Variants in BICC1 observed in about 807,000 individuals in gnomAD.
BICC1 encodes protein bicaudal C homolog 1.
BICC1 carries 43 observed loss-of-function variants against 111.0 expected under a neutral mutation model. The ratio of observed to expected loss-of-function variants is 0.39; its 90% CI spans 0.30 to 0.50. The LOEUF (loss-of-function observed/expected upper bound fraction) is 0.50, where lower values mean the gene tolerates loss of function less well. BICC1 is among the 20% of genes least tolerant of loss of function. The probability of loss-of-function intolerance (pLI) is 0.88; values close to 1 mark genes in which losing one functional copy is unlikely to be tolerated. For missense variants in BICC1, 1,091 were observed against 1,203.2 expected, an observed-to-expected ratio of 0.91 and a Z score of 1.38; for synonymous variants, 467 against 434.4, an observed-to-expected ratio of 1.07 and a Z score of -0.93.
At chr10:58,646,511 G>C (rs1025705972) in intron 2 of BICC1, among the ~76,000 whole-genome samples, 1 of 152,060 alleles carries the variant, frequency 6.6e-6, no homozygotes, top group Non-Finnish European at 1.5e-5. Flanking sequence ...ATTGTATTTG[G>C]ATATTCATTA....
intron 3 of BICC1, among the ~76,000 whole-genome samples, chr10:58,725,738 T>C (rs1841085056): frequency 6.6e-6 from 1 of 152,176 alleles, no homozygotes; most frequent in African/African-American, 2.4e-5. Context: ...CCTCAGGCCA[T>C]GTTAAACAAC....
chr10:58,782,392 C>G (rs951331389), intron 3 of BICC1, among the ~76,000 whole-genome samples: 1 of 152,012 alleles, frequency 6.6e-6, no homozygotes, highest in African/African-American at 2.4e-5. Flanking sequence ...TATATAGGAC[C>G]AATACATAAA....
chr10:58,517,275 A>T (rs1238302385), intron 1 of BICC1, among the ~76,000 whole-genome samples: 3 of 152,144 alleles, frequency 2.0e-5, no homozygotes, highest in African/African-American at 7.2e-5. Context: ...AGACTTTAAG[A>T]ACCATGTTGC....
chr10:58,789,307 A>G lies in BICC1; in HGVS notation c.646A>G (p.Ile216Val). Reference sequence around the variant, plus strand: ...GATGTTTGAGCTACCAATTGCTGGAATTCTTCAACCGGTTCCTGATCCTAA... The same window carrying G: ...GATGTTTGAGCTACCAATTGCTGGAGTTCTTCAACCGGTTCCTGATCCTAA... ...VLMFELPIAG[I>V]LQPVPDPNSP... The change falls in exon 7 of 21, where the codon ATT becomes GTT. Residue 216 changes from isoleucine to valine, a missense_variant. By Grantham distance (29) the Ile-to-Val change is conservative. Coordinates refer to ENST00000373886, the MANE Select transcript of BICC1 (RefSeq NM_001080512.3). The G allele has an allele frequency of 1.2e-6, 2 of 1,613,996 alleles. No homozygotes were observed. Among genetic ancestry groups the G allele is most frequent in the African/African-American group, 1.3e-5 (1 of 75,036 alleles).
chr10:58,787,547 C>G (rs1382611357), intron 5 of BICC1, among the ~76,000 whole-genome samples: 1 of 152,164 alleles, frequency 6.6e-6, no homozygotes, highest in African/African-American at 2.4e-5. Context: ...TGTGCTTGTT[C>G]TTCTGTTTGG....
At chr10:58,728,270 A>C (rs567271369) in intron 3 of BICC1, among the ~76,000 whole-genome samples, 1 of 152,214 alleles carries the variant, frequency 6.6e-6, no homozygotes, top group African/African-American at 2.4e-5. Flanking sequence ...CTGCTTTATC[A>C]ACTAAGTTTA....
chr10:58,672,153 A>G (rs1032369260), intron 2 of BICC1, among the ~76,000 whole-genome samples: 150 of 152,268 alleles, frequency 9.9e-4, no homozygotes, highest in African/African-American at 3.4e-3. Flanking sequence ...GAGTATATTC[A>G]CATTGTTGTG....
At chr10:58,551,527 G>C (rs545374188) in intron 1 of BICC1, among the ~76,000 whole-genome samples, 7 of 152,020 alleles carry the variant, frequency 4.6e-5, no homozygotes, top group Non-Finnish European at 1.0e-4. Flanking sequence ...CTTCTCAGTA[G>C]TTTTCAAGTA....
At chr10:58,788,468 T>C in intron 6 of BICC1, 45 bp downstream of exon 6, 1 of 1,329,438 alleles carries the variant, frequency 7.5e-7, no homozygotes, top group Non-Finnish European at 1.1e-6. Flanking sequence ...GTCAGCAACA[T>C]TTGCATTATA....
At chr10:58,544,289 T>C (rs1019587072) in intron 1 of BICC1, among the ~76,000 whole-genome samples, 2 of 152,216 alleles carry the variant, frequency 1.3e-5, no homozygotes, top group African/African-American at 4.8e-5. Context: ...CAAAATGGAT[T>C]TGTGTGACTT....
At chr10:58,521,768 GTTTTT>G (rs573116230) in intron 1 of BICC1, among the ~76,000 whole-genome samples, 71 of 112,638 alleles carry the variant, frequency 6.3e-4, no homozygotes, top group African/African-American at 2.0e-3. Context: ...GGAATGTGGT[GTTTTT>G]TTTTTTTTTT....
chr10:58,669,997 G>T (rs1209744296), intron 2 of BICC1, among the ~76,000 whole-genome samples: 1 of 152,090 alleles, frequency 6.6e-6, no homozygotes, highest in Non-Finnish European at 1.5e-5. Context: ...TTATGTTATT[G>T]TAAAGTTTTA....
rs143601302 is a variant in BICC1 at position 58,824,086 on chromosome 10, G to A, written c.2794+3618G>A. On this transcript the variant is annotated intron_variant, in intron 20 of 20. Coordinates refer to ENST00000373886, the MANE Select transcript of BICC1 (RefSeq NM_001080512.3). ...ATGTTAAAATAGCAAATAAAGCTCTGTTATCTGGCATACTTGGAACTATCG... is the reference window on the plus strand; with the variant it reads ...ATGTTAAAATAGCAAATAAAGCTCTATTATCTGGCATACTTGGAACTATCG... The A allele has an allele frequency of 3.2e-4, 319 of 984,420 alleles. 1 individual carries two copies. In the African/African-American group the frequency reaches 5.2e-3, roughly 16 times the overall value. The allele number at this position is 984,420 out of a possible 1,614,324, so 61.0% of individuals were successfully genotyped here.
chr10:58,679,517 C>T (rs1264610190), intron 2 of BICC1, among the ~76,000 whole-genome samples: 13 of 152,094 alleles, frequency 8.5e-5, no homozygotes, highest in Admixed American at 5.2e-4. Flanking sequence ...AGACCAATAA[C>T]GAGTTCTGAA....
At chr10:58,557,380 G>A (rs1279912232) in intron 1 of BICC1, among the ~76,000 whole-genome samples, 1 of 148,466 alleles carries the variant, frequency 6.7e-6, no homozygotes, top group African/African-American at 2.6e-5. Flanking sequence ...AGTTCATTGA[G>A]CTTCTTGGAT....
chr10:58,526,991 A>G (rs1842560790), intron 1 of BICC1, among the ~76,000 whole-genome samples: 1 of 152,226 alleles, frequency 6.6e-6, no homozygotes, highest in Non-Finnish European at 1.5e-5. Flanking sequence ...TAGATCCTTG[A>G]GGAATCACCA....
At chr10:58,575,579 G>T (rs199526627) in intron 1 of BICC1, among the ~76,000 whole-genome samples, 61 of 798 alleles carry the variant, frequency 0.076, no homozygotes, top group Middle Eastern at 0.25. Flanking sequence ...TTTTTTTTTG[G>T]TTGTTGTTGT....
intron 2 of BICC1, among the ~76,000 whole-genome samples, chr10:58,631,155 C>T (rs1349193045): frequency 6.6e-6 from 1 of 152,142 alleles, no homozygotes; most frequent in Non-Finnish European, 1.5e-5. Flanking sequence ...TTGTTTTCAT[C>T]CCTCTTACAC....
chr10:58,513,458 T>TC (rs2132483100), intron 1 of BICC1, 125 bp downstream of exon 1: 1 of 919,142 alleles, frequency 1.1e-6, no homozygotes. Context: ...CCAGGCCCGC[T>TC]CCCCCGCGGA....
Sources: gnomAD v4.1 joint callset for allele counts (sites outside exome capture counted in the v4.1 genomes callset) on GRCh38, gnomAD v4.1.1 for gene constraint, MANE v1.5 for transcripts, NCBI Gene and HGNC (gene_info 2026-07-23, HGNC 2026-07-21) for gene names.